The following SPMAP2L variants were observed in gnomAD, a reference collection of about 807,000 sequenced individuals.
SPMAP2L encodes the protein sperm microtubule associated protein 2-like.
At chr4:56,615,454 A>T in the SPMAP2L span, among the ~76,000 whole-genome samples, 2 of 152,196 alleles carry the variant, frequency 1.3e-5, no homozygotes, top group South Asian at 4.1e-4. Flanking sequence ...GCTTTAAAAA[A>T]TACTTAAGTT....
At chr4:56,530,769 C>A in the SPMAP2L span, 4 of 1,535,364 alleles carry the variant, frequency 2.6e-6, no homozygotes, top group East Asian at 9.8e-5. Context: ...CCGAAGTCTT[C>A]CAGAAGCCCA....
the SPMAP2L span, among the ~76,000 whole-genome samples, chr4:56,597,954 C>T: frequency 1.3e-5 from 2 of 152,142 alleles, no homozygotes; most frequent in African/African-American, 2.4e-5. Flanking sequence ...CCTCAACCTT[C>T]TGGGCTTAAG....
At chr4:56,587,735 T>G in the SPMAP2L span, among the ~76,000 whole-genome samples, 1 of 152,256 alleles carries the variant, frequency 6.6e-6, no homozygotes, top group African/African-American at 2.4e-5. Context: ...GCATTTGTGT[T>G]GGTTCCATGA....
the SPMAP2L span, among the ~76,000 whole-genome samples, chr4:56,566,333 G>A: frequency 3.0e-4 from 45 of 152,086 alleles, no homozygotes; most frequent in Admixed American, 1.6e-3. Context: ...CAAGTAGCTG[G>A]GATTACAGGT....
the SPMAP2L span, among the ~76,000 whole-genome samples, chr4:56,535,264 C>T: frequency 0.027 from 4,036 of 152,156 alleles, 180 homozygotes; most frequent in African/African-American, 0.092. Context: ...TGTCTTATGC[C>T]CAATTTCTGC....
chr4:56,593,849 T>C, the SPMAP2L span: 14 of 1,610,978 alleles, frequency 8.7e-6, 1 homozygote, highest in Non-Finnish European at 1.2e-5. Context: ...GTTTGCAATC[T>C]ACCATGGTTC....
chr4:56,626,067 A>G, the SPMAP2L span, among the ~76,000 whole-genome samples: 1 of 152,188 alleles, frequency 6.6e-6, no homozygotes. Context: ...GACATTGGAT[A>G]CCTCTCAACA....
chr4:56,625,134 G>A, the SPMAP2L span, among the ~76,000 whole-genome samples: 3 of 152,312 alleles, frequency 2.0e-5, no homozygotes, highest in African/African-American at 7.2e-5. Flanking sequence ...AGATCATTTA[G>A]GATCTTTAAA....
At chr4:56,573,226 T>G in the SPMAP2L span, among the ~76,000 whole-genome samples, 41 of 152,354 alleles carry the variant, frequency 2.7e-4, 1 homozygote, top group South Asian at 8.1e-3. Flanking sequence ...TAGTGCTTTG[T>G]GAATTATAAA....
the SPMAP2L span, chr4:56,603,248 T>C: frequency 9.8e-6 from 15 of 1,535,044 alleles, no homozygotes; most frequent in Non-Finnish European, 1.2e-5. Flanking sequence ...CAGATGTCTT[T>C]AAAACCAAGC....
chr4:56,534,637 A>G, the SPMAP2L span, among the ~76,000 whole-genome samples: 1 of 152,188 alleles, frequency 6.6e-6, no homozygotes. Context: ...CATGTAAAAC[A>G]TAAGGTGGGC....
At chr4:56,537,795 C>T in the SPMAP2L span, among the ~76,000 whole-genome samples, 1 of 152,000 alleles carries the variant, frequency 6.6e-6, no homozygotes, top group South Asian at 2.1e-4. Flanking sequence ...CGGGTTCACG[C>T]CATTCTCCTG....
chr4:56,601,513 C>T, the SPMAP2L span, among the ~76,000 whole-genome samples: 4 of 152,146 alleles, frequency 2.6e-5, no homozygotes, highest in African/African-American at 9.7e-5. Context: ...AATCCCAACA[C>T]TTTGGGAGGC....
chr4:56,611,715 T>C, the SPMAP2L span, among the ~76,000 whole-genome samples: 2 of 152,140 alleles, frequency 1.3e-5, no homozygotes, highest in African/African-American at 2.4e-5. Flanking sequence ...TCTGCAACAA[T>C]CATGCCAGAA....
the SPMAP2L span, among the ~76,000 whole-genome samples, chr4:56,570,285 TAC>T: frequency 6.6e-6 from 1 of 152,230 alleles, no homozygotes; most frequent in Non-Finnish European, 1.5e-5. Flanking sequence ...CACAACTATT[TAC>T]AGTTATGCGT....
chr4:56,571,721 G>A, the SPMAP2L span, among the ~76,000 whole-genome samples: 2 of 152,294 alleles, frequency 1.3e-5, no homozygotes, highest in East Asian at 1.9e-4. Flanking sequence ...AGTGGCACAT[G>A]CCCGTAGTCC....
chr4:56,624,332 T>A, the SPMAP2L span, among the ~76,000 whole-genome samples: 4 of 152,116 alleles, frequency 2.6e-5, no homozygotes, highest in African/African-American at 9.7e-5. Context: ...AACATGAGGG[T>A]TTCAAAAATT....
At chr4:56,550,684 C>T in the SPMAP2L span, among the ~76,000 whole-genome samples, 1 of 152,116 alleles carries the variant, frequency 6.6e-6, no homozygotes, top group African/African-American at 2.4e-5. Context: ...AAAAGTTTTT[C>T]GTTATTGTTA....
chr4:56,618,497 T>C, the SPMAP2L span, among the ~76,000 whole-genome samples: 2 of 152,152 alleles, frequency 1.3e-5, no homozygotes, highest in Non-Finnish European at 1.5e-5. Context: ...CTTACAATCA[T>C]GGCAGAAGGG....
Sources: gnomAD v4.1 joint callset for allele counts (sites outside exome capture counted in the v4.1 genomes callset) on GRCh38, gnomAD v4.1.1 for gene constraint, MANE v1.5 for transcripts, NCBI Gene and HGNC (gene_info 2026-07-23, HGNC 2026-07-21) for gene names.